MORN1: variants seen among roughly 807,000 people sequenced by gnomAD.
MORN1 encodes the protein MORN repeat containing 1, also known as MORN repeat-containing protein 1.
In MORN1, 67 loss-of-function variants were observed where a neutral mutation model predicts 61.9. The observed-to-expected ratio is 1.08, with a 90% CI of 0.89 to 1.33. The LOEUF (loss-of-function observed/expected upper bound fraction) is 1.33, where lower values mean the gene tolerates loss of function less well. MORN1 is among the 40% of genes most tolerant of loss of function. The pLI, the probability that MORN1 is intolerant of heterozygous loss-of-function variation, is 0.00. For synonymous variants in MORN1, 301 were observed against 292.0 expected (o/e 1.03, Z -0.31); for missense variants, 752 against 691.2 (o/e 1.09, Z -0.99).
intron 5 of MORN1, 104 bp downstream of exon 5, chr1:2,385,703 G>C: frequency 9.5e-7 from 1 of 1,051,060 alleles, no homozygotes; most frequent in East Asian, 2.4e-5. Context: ...AACAGGCCCG[G>C]GGTGTCCCAT....
chr1:2,389,131 A>AAAG (rs147193543), intron 2 of MORN1, among the ~76,000 whole-genome samples: 70,780 of 147,560 alleles, frequency 0.48, 18,051 homozygotes, highest in East Asian at 0.74. Flanking sequence ...AAAAAAAAGA[A>AAAG]AAAAGAAACA....
intron 10 of MORN1, among the ~76,000 whole-genome samples, chr1:2,353,727 G>T (rs1321283577): frequency 2.0e-5 from 3 of 152,240 alleles, no homozygotes; most frequent in Non-Finnish European, 4.4e-5. Flanking sequence ...GGCCTGGCAG[G>T]GCTCCAGGTA....
chr1:2,323,671 G>A (rs1398903933), intron 13 of MORN1: 20 of 985,096 alleles, frequency 2.0e-5, no homozygotes, highest in Non-Finnish European at 2.3e-5. Context: ...CCCACGCTGG[G>A]AGGAGCCTTC....
In MORN1 at chr1:2,328,722, G is replaced by C. The variant is rs527289860; in HGVS notation, c.1251-4579C>G. Among the ~76,000 whole-genome samples the C allele has an allele frequency of 2.0e-5, 3 of 152,346 alleles. No individual in the cohort carries two copies. In the East Asian group the frequency reaches 5.8e-4, roughly 29 times the overall value. ...CCCAAGAAATGAGAGCCAGGGGCCA[G>C]TGCTTTCTGTAACAGCCCCAGGCAC... is the stretch of plus-strand genomic sequence containing the variant. On this transcript the variant is annotated intron_variant, in intron 12 of 13. Transcript: ENST00000378531.
In MORN1 at chr1:2,336,698, GC is replaced by G. The variant is rs1475194375; in HGVS notation, c.1170+18del. On this transcript the variant is annotated intron_variant, in intron 11 of 13. Coordinates refer to ENST00000378531, the MANE Select transcript of MORN1 (RefSeq NM_024848.3). ...CTGAGTGATGTGGGGTGGCCTCCCC[GC>G]CCCCCGTGGGCACCCACCTTGTGGA... The G allele has an allele frequency of 6.5e-7, 1 of 1,545,598 alleles. No individual in the cohort carries two copies. The highest frequency in any genetic ancestry group is 1.2e-5 in the South Asian group (1 of 80,922).
At chr1:2,341,978 G>A (rs1412103414) in intron 10 of MORN1, among the ~76,000 whole-genome samples, 11 of 152,266 alleles carry the variant, frequency 7.2e-5, no homozygotes, top group Non-Finnish European at 2.9e-5. Flanking sequence ...GAGGGTCCCC[G>A]GCAGTGTCTG....
At chr1:2,332,013 C>T (rs960585429) in intron 12 of MORN1, 1 of 173,620 alleles carries the variant, frequency 5.8e-6, no homozygotes. Flanking sequence ...GCGCCTCTCC[C>T]GCCGCTGCGC....
chr1:2,379,620 G>A (rs1319847205), intron 6 of MORN1, among the ~76,000 whole-genome samples: 1 of 152,166 alleles, frequency 6.6e-6, no homozygotes, highest in Non-Finnish European at 1.5e-5. Flanking sequence ...CGTCAAAGAG[G>A]GGGAGACCGG....
chr1:2,338,507 A>T (rs1358454164), intron 10 of MORN1, among the ~76,000 whole-genome samples: 1 of 152,138 alleles, frequency 6.6e-6, no homozygotes, highest in African/African-American at 2.4e-5. Flanking sequence ...CCAGCTCTGT[A>T]TCCTAATCAT....
chr1:2,355,409 C>T (rs1252676606), intron 10 of MORN1: 2 of 1,549,960 alleles, frequency 1.3e-6, no homozygotes, highest in Non-Finnish European at 8.7e-7. Context: ...GCTTGCTGGT[C>T]CTCTCACAGC....
chr1:2,335,834 A>AGCCCAGCCCAGCCCGGCCCG (rs1553208759), intron 12 of MORN1, among the ~76,000 whole-genome samples: 1 of 143,018 alleles, frequency 7.0e-6, no homozygotes, highest in African/African-American at 3.0e-5. Context: ...TCCATAGCCC[A>AGCCCAGCCCAGCCCGGCCCG]GCCCAGCCCA....
chr1:2,364,522 C>T (rs1641961569), intron 8 of MORN1, among the ~76,000 whole-genome samples: 1 of 147,620 alleles, frequency 6.8e-6, no homozygotes, highest in Admixed American at 6.8e-5. Flanking sequence ...CCTGTTCACT[C>T]TGATGGTAGT....
At chr1:2,363,255 T>C (rs1383476288) in intron 8 of MORN1, 2 of 152,082 alleles carry the variant, frequency 1.3e-5, no homozygotes, top group African/African-American at 4.8e-5. Context: ...CTCTTGAAAA[T>C]AACTGTGTCA....
In MORN1 at chr1:2,372,174, G is replaced by GC. The variant is rs1033963280; in HGVS notation, c.745+306dup. ...GACACTCTGACACACGTGCACGCGTGCCCCCCCACACGTATACACATTCAG... is the reference window on the plus strand; with the variant it reads ...GACACTCTGACACACGTGCACGCGTGCCCCCCCCACACGTATACACATTCAG... On this transcript the variant is annotated intron_variant, in intron 8 of 13. Coordinates refer to ENST00000378531, the MANE Select transcript of MORN1 (RefSeq NM_024848.3). The surrounding 1 kb of genome is among the most constrained non-coding windows in gnomAD (Gnocchi z 5.4). The GC allele has an allele frequency of 2.1e-5, 6 of 281,732 alleles. No individual in the cohort carries two copies. The highest frequency in any genetic ancestry group is 8.5e-5 in the South Asian group (2 of 23,426). The allele number at this position is 281,732 out of a possible 1,614,324, so 17.5% of individuals were successfully genotyped here.
At chr1:2,375,128 T>C (rs1642205558) in intron 6 of MORN1, 1 of 152,272 alleles carries the variant, frequency 6.6e-6, no homozygotes, top group South Asian at 2.1e-4. Flanking sequence ...CAACAAAGCC[T>C]GGGAAAATCA....
At chr1:2,383,112 C>T (rs1642409166) in intron 6 of MORN1, among the ~76,000 whole-genome samples, 1 of 152,198 alleles carries the variant, frequency 6.6e-6, no homozygotes, top group African/African-American at 2.4e-5. Flanking sequence ...CAACCCATCA[C>T]CTCTCAGTTC....
intron 12 of MORN1, among the ~76,000 whole-genome samples, chr1:2,331,196 C>T (rs796944468): frequency 3.3e-5 from 5 of 152,306 alleles, no homozygotes; most frequent in African/African-American, 7.2e-5. Flanking sequence ...GGTGAGGCAG[C>T]GACTTGGCAG....
Position 2,387,412 on chromosome 1 carries a change from G to T in MORN1, c.358+7C>A. The T allele has an allele frequency of 6.2e-7, 1 of 1,608,472 alleles. No homozygotes were observed. Among genetic ancestry groups the T allele is most frequent in the Non-Finnish European group, 8.5e-7 (1 of 1,176,286 alleles). ...CTCACAGCACCCGGCTCCTGTGGGCGCCAGACCTTCCCGCATGCCGTGGGA... is the reference window on the plus strand; with the variant it reads ...CTCACAGCACCCGGCTCCTGTGGGCTCCAGACCTTCCCGCATGCCGTGGGA... On this transcript the variant is annotated splice_region_variant and intron_variant, in intron 4 of 13. Transcript: ENST00000378531.
chr1:2,358,058 G>A (rs572393967), intron 9 of MORN1, among the ~76,000 whole-genome samples: 14 of 152,158 alleles, frequency 9.2e-5, no homozygotes, highest in African/African-American at 2.9e-4. Flanking sequence ...TTCATGTTGC[G>A]GGGCTTAGAG....
Sources: gnomAD v4.1 joint callset for allele counts (sites outside exome capture counted in the v4.1 genomes callset) on GRCh38, gnomAD v4.1.1 for gene constraint, Gnocchi (gnomAD v3.1) non-coding constraint, MANE v1.5 for transcripts, NCBI Gene and HGNC (gene_info 2026-07-23, HGNC 2026-07-21) for gene names.